Variants in APPL1 observed in about 807,000 individuals in gnomAD.
APPL1 encodes the protein adaptor protein, phosphotyrosine interacting with PH domain and leucine zipper 1, also known as DCC-interacting protein 13-alpha.
A neutral mutation model predicts 106.8 loss-of-function variants in APPL1; 42 were observed. That is an observed-to-expected ratio of 0.39 (90% CI 0.31 to 0.51). APPL1 has a LOEUF of 0.51. Ranked by LOEUF, APPL1 falls within the 20% of genes least tolerant of loss-of-function variation. APPL1 has a pLI of 0.75. For synonymous variants in APPL1, 263 were observed against 281.8 expected (o/e 0.93, Z 0.67); for missense variants, 769 against 858.2 (o/e 0.90, Z 1.30).
Position 57,259,926 on chromosome 3 carries a change from A to G in APPL1, c.1565A>G (p.Tyr522Cys). The stretch of plus-strand genomic sequence containing the variant: ...TCAGATGACCATCCAGATGTTGTTT[A>G]TGAAACTATGCGCCAAATCTTAGCT... ...VKSDDHPDVV[Y>C]ETMRQILAAR... Residue 522 changes from tyrosine to cysteine, a missense_variant, in exon 17 of 22, where the codon TAT becomes TGT. By Grantham distance (194) the Tyr-to-Cys change is radical. Coordinates refer to ENST00000288266, the MANE Select transcript of APPL1 (RefSeq NM_012096.3). 1 of 1,613,824 alleles carries G rather than the reference A, an allele frequency of 6.2e-7. No homozygotes were observed. Among genetic ancestry groups the G allele is most frequent in the African/African-American group, 1.3e-5 (1 of 75,016 alleles).
Position 57,267,889 on chromosome 3 carries a change from C to G in APPL1, c.1893+97C>G, listed in dbSNP as rs1170613271. The G allele has an allele frequency of 5.7e-6, 7 of 1,237,368 alleles. No individual in the cohort carries two copies. In the South Asian group the frequency reaches 8.6e-5, roughly 15 times the overall value. 76.6% of individuals were successfully genotyped at this position (1,237,368 alleles called of 1,614,324 possible). ...GGCAGATGACTTGAGGTCAGGAGTT[C>G]GAGACTAACCTGGCCAACATGGTGA... is the stretch of plus-strand genomic sequence containing the variant. On this transcript the variant is annotated intron_variant, in intron 20 of 21. Transcript: ENST00000288266.
intron 2 of APPL1, among the ~76,000 whole-genome samples, chr3:57,236,035 C>G (rs1579381053): frequency 1.5e-5 from 2 of 134,844 alleles, no homozygotes; most frequent in Admixed American, 1.7e-4. Context: ...GAGCACTTCC[C>G]CACCCCCACT....
chr3:57,265,440 G>A (rs2060889494), intron 19 of APPL1, among the ~76,000 whole-genome samples: 1 of 152,160 alleles, frequency 6.6e-6, no homozygotes, highest in African/African-American at 2.4e-5. Flanking sequence ...CTGAGCCACT[G>A]CGCCCAGCCT....
At position 57,273,057 on chromosome 3, in the gene APPL1, T is replaced by TAAGA. The variant is rs1407288994; in HGVS notation, c.*3371_*3374dup. ...GATTTTGTCTTTCTACATTAACTAG[T>TAAGA]AAGACATAAAGATTTGAAACTGGAA... On this transcript the variant is annotated 3_prime_UTR_variant, in exon 22 of 22. Transcript: ENST00000288266. The TAAGA allele has an allele frequency of 6.6e-6, 1 of 152,634 alleles. No individual in the cohort carries two copies. The highest frequency in any genetic ancestry group is 6.5e-5 in the Admixed American group (1 of 15,282). 9.5% of individuals were successfully genotyped at this position (152,634 alleles called of 1,614,324 possible). A position where few individuals can be genotyped will look rare whatever the true frequency, so the allele number is the denominator to read the frequency against.
At chr3:57,243,278 A>C (rs1169536961) in intron 7 of APPL1, among the ~76,000 whole-genome samples, 1 of 152,240 alleles carries the variant, frequency 6.6e-6, no homozygotes, top group Admixed American at 6.5e-5. Context: ...ACACATAATG[A>C]AATTCTGTTA....
At position 57,228,468 on chromosome 3, in the gene APPL1, C is replaced by G. The variant is rs544776973; in HGVS notation, c.54+531C>G. On this transcript the variant is annotated intron_variant, in intron 1 of 21. Coordinates refer to ENST00000288266, the MANE Select transcript of APPL1 (RefSeq NM_012096.3). The surrounding 1 kb of genome is among the most constrained non-coding windows in gnomAD (Gnocchi z 4.6). The stretch of plus-strand genomic sequence containing the variant: ...GGTCCCGGAGCCCAAGACCGCTCTC[C>G]CCGCCGAATGTGCCCGTGTCGCGGC... Among the ~76,000 whole-genome samples the G allele has an allele frequency of 9.3e-4, 142 of 152,210 alleles. 1 individual carries two copies. Among genetic ancestry groups the G allele is most frequent in the Non-Finnish European group, 2.6e-4 (18 of 68,046 alleles).
Position 57,272,348 on chromosome 3 carries a change from C to T in APPL1, c.*2661C>T, listed in dbSNP as rs905377444. On this transcript the variant is annotated 3_prime_UTR_variant, in exon 22 of 22. Transcript: ENST00000288266. ...GCTAGTCTAGTTTTTGCCACATCTG[C>T]AATGATTATTGTTTAATTTCAAAAG... The T allele has an allele frequency of 2.0e-5, 3 of 152,122 alleles. No homozygotes were observed. Among genetic ancestry groups the T allele is most frequent in the Non-Finnish European group, 1.5e-5 (1 of 68,036 alleles). 9.4% of individuals were successfully genotyped at this position (152,122 alleles called of 1,614,324 possible). A position where few individuals can be genotyped will look rare whatever the true frequency, so the allele number is the denominator to read the frequency against.
chr3:57,233,273 G>A (rs867878929), intron 1 of APPL1, among the ~76,000 whole-genome samples: 4 of 152,072 alleles, frequency 2.6e-5, no homozygotes, highest in Non-Finnish European at 4.4e-5. Context: ...GGATACCATC[G>A]TAGATTTGAT....
intron 1 of APPL1, among the ~76,000 whole-genome samples, chr3:57,235,055 C>T (rs554168679): frequency 1.3e-5 from 2 of 152,176 alleles, no homozygotes; most frequent in East Asian, 3.9e-4. Flanking sequence ...AAGGAAAACC[C>T]CCAAATTGTG....
chr3:57,229,688 C>T (rs1163055019), intron 1 of APPL1, among the ~76,000 whole-genome samples: 3 of 148,930 alleles, frequency 2.0e-5, no homozygotes, highest in Non-Finnish European at 4.4e-5. Flanking sequence ...AGGCGTGTGC[C>T]ACTGTGCCAG....
intron 2 of APPL1, among the ~76,000 whole-genome samples, chr3:57,236,963 G>C (rs1345389249): frequency 1.3e-5 from 2 of 152,052 alleles, no homozygotes; most frequent in Non-Finnish European, 2.9e-5. Flanking sequence ...TTGTGATCAG[G>C]CTCTGAAGCT....
chr3:57,263,361 TA>T lies in APPL1; in HGVS notation c.1842+2588del, dbSNP rs558077643. ...ATCAAATACCAGGTTTTATTCATTC[TA>T]TTTTTTTTTTTTAATCATTAACCAT... On this transcript the variant is annotated intron_variant, in intron 19 of 21. Coordinates refer to ENST00000288266, the MANE Select transcript of APPL1 (RefSeq NM_012096.3). 5.3e-5 allele frequency among the ~76,000 whole-genome samples: 8 copies of T among 151,774 alleles called. No individual in the cohort carries two copies. In the South Asian group the frequency reaches 1.0e-3, roughly 20 times the overall value.
chr3:57,248,215 G>GAT lies in APPL1; in HGVS notation c.731_732dup (p.Glu245Ter). 6.2e-7 allele frequency: 1 copy of GAT among 1,614,136 alleles called. No homozygotes were observed. On this transcript the variant is annotated frameshift_variant, in exon 10 of 22. Transcript: ENST00000288266. LOFTEE classifies it high-confidence loss of function. ...CAGTGTTCGCAGGGAAATGGACAGT[G>GAT]ATATAGAGACCATGCAACAGACAAT...
At position 57,259,830 on chromosome 3, in the gene APPL1, C is replaced by T; in HGVS notation, c.1484-15C>T. On this transcript the variant is annotated splice_polypyrimidine_tract_variant and intron_variant, in intron 16 of 21. Coordinates refer to ENST00000288266, the MANE Select transcript of APPL1 (RefSeq NM_012096.3). ...AGTAAAAAAAAAATATGTAATACAC[C>T]TTGTTCTATTATAGATTCTATTCTT... 1 of 1,537,632 alleles carries T rather than the reference C, an allele frequency of 6.5e-7. No individual in the cohort carries two copies.
intron 11 of APPL1, among the ~76,000 whole-genome samples, chr3:57,251,036 T>C (rs1198542133): frequency 6.8e-6 from 1 of 147,806 alleles, no homozygotes; most frequent in African/African-American, 2.5e-5. Flanking sequence ...CTCGATCTCC[T>C]GACCTCGTGA....
rs754216079 is a variant in APPL1 at position 57,269,546 on chromosome 3, G to T, written c.1989G>T (p.Leu663Phe). The T allele has an allele frequency of 1.9e-6, 3 of 1,613,296 alleles. No homozygotes were observed. The highest frequency in any genetic ancestry group is 2.5e-6 in the Non-Finnish European group (3 of 1,179,772). Residue 663 changes from leucine (L) to phenylalanine (F), a missense_variant, in exon 22 of 22, where the codon TTG (leucine) becomes TTT (phenylalanine). Leu to Phe is a conservative substitution (Grantham distance 22, BLOSUM62 0). Coordinates refer to ENST00000288266, the MANE Select transcript of APPL1 (RefSeq NM_012096.3). The stretch of plus-strand genomic sequence containing the variant: ...TTTTTTGTCTTTTCCACTAGGACTT[G>T]GAAGAACAAAGTCGGTTGATAGCTG... ...LNKQKQIEKDLEEQSRLIAAS... is the reference protein window; with the variant it reads ...LNKQKQIEKDFEEQSRLIAAS...
rs142005105 is a variant in APPL1 at position 57,267,839 on chromosome 3, C to T, written c.1893+47C>T. On this transcript the variant is annotated intron_variant, in intron 20 of 21. Coordinates refer to ENST00000288266, the MANE Select transcript of APPL1 (RefSeq NM_012096.3). Reference sequence around the variant, plus strand: ...GGGCACAGTGGTTCACACCTGTAATCGCAGCACATTGGGAGGCCGAGGCGG... The same window carrying T: ...GGGCACAGTGGTTCACACCTGTAATTGCAGCACATTGGGAGGCCGAGGCGG... The T allele has an allele frequency of 5.6e-4, 889 of 1,597,680 alleles. 4 individuals are homozygous for T. The African/African-American group carries it at 9.5e-3, about 17-fold the overall frequency.
At chr3:57,267,927 A>C in intron 20 of APPL1, 135 bp downstream of exon 20, 1 of 870,486 alleles carries the variant, frequency 1.1e-6, no homozygotes, top group Non-Finnish European at 1.8e-6. Flanking sequence ...CCCCATTTCT[A>C]CTAAAAATAC....
rs1483214405 is a variant in APPL1, at chr3:57,270,352, TA to T, written c.*666del. On this transcript the variant is annotated 3_prime_UTR_variant, in exon 22 of 22. Coordinates refer to ENST00000288266, the MANE Select transcript of APPL1 (RefSeq NM_012096.3). ...TTAAGTGTCTTCAGTTCAAGATTGA[TA>T]GAGCCCTTGGCATTTTATTATCACA... 1 of 152,674 alleles carries T rather than the reference TA, an allele frequency of 6.5e-6. No individual in the cohort carries two copies. Among genetic ancestry groups the T allele is most frequent in the Non-Finnish European group, 1.5e-5 (1 of 68,034 alleles). The allele number at this position is 152,674 out of a possible 1,614,324, so 9.5% of individuals were successfully genotyped here.
Sources: allele counts gnomAD v4.1 joint callset (sites outside exome capture counted in the v4.1 genomes callset), GRCh38; gene constraint gnomAD v4.1.1; non-coding constraint Gnocchi (gnomAD v3.1); transcripts MANE v1.5; gene names NCBI Gene and HGNC (gene_info 2026-07-23, HGNC 2026-07-21).